The following FNIP1 variants were observed in gnomAD, a reference collection of about 807,000 sequenced individuals.
FNIP1 encodes folliculin interacting protein 1.
A neutral mutation model predicts 124.5 loss-of-function variants in FNIP1; 40 were observed. That is an observed-to-expected ratio of 0.32 (90% CI 0.25 to 0.42). The LOEUF (loss-of-function observed/expected upper bound fraction) is 0.42, where lower values mean the gene tolerates loss of function less well. Ranked by LOEUF, FNIP1 falls within the 10% of genes least tolerant of loss-of-function variation. The pLI, the probability that FNIP1 is intolerant of heterozygous loss-of-function variation, is 1.00. For missense variants in FNIP1, 1,176 were observed against 1,403.7 expected (o/e 0.84, Z 2.59); for synonymous variants, 472 against 470.6 (o/e 1.00, Z -0.04).
intron 1 of FNIP1, among the ~76,000 whole-genome samples, chr5:131,749,456 G>A (rs1013728024): frequency 6.7e-6 from 1 of 150,164 alleles, no homozygotes; most frequent in Admixed American, 6.7e-5. Context: ...GCAGTGGTGC[G>A]ATTTTGGCTC....
intron 2 of FNIP1, among the ~76,000 whole-genome samples, chr5:131,734,166 G>C (rs1243546062): frequency 6.6e-6 from 1 of 151,982 alleles, no homozygotes; most frequent in Non-Finnish European, 1.5e-5. Flanking sequence ...CTGCGGGATC[G>C]GTGGTGATAT....
chr5:131,780,340 A>C (rs1561704551), intron 1 of FNIP1, among the ~76,000 whole-genome samples: 1 of 152,196 alleles, frequency 6.6e-6, no homozygotes, highest in African/African-American at 2.4e-5. Flanking sequence ...AACCCAGAGA[A>C]GCAAAGTCCC....
intron 15 of FNIP1, among the ~76,000 whole-genome samples, chr5:131,666,852 A>C (rs1767617960): frequency 6.6e-6 from 1 of 152,238 alleles, no homozygotes; most frequent in Non-Finnish European, 1.5e-5. Context: ...TTCACAGAGA[A>C]AGTCACAAGA....
chr5:131,702,723 T>C (rs1768943130), intron 10 of FNIP1, among the ~76,000 whole-genome samples: 1 of 152,242 alleles, frequency 6.6e-6, no homozygotes, highest in Admixed American at 6.5e-5. Context: ...CACAATTTAC[T>C]ATACATATTT....
chr5:131,658,769 C>T lies in FNIP1; in HGVS notation c.3109-6770G>A, dbSNP rs528264897. Among the ~76,000 whole-genome samples, 6 of 151,796 alleles carry T rather than the reference C, an allele frequency of 4.0e-5. No homozygotes were observed. The East Asian group carries it at 9.7e-4, about 25-fold the overall frequency. ...GGACTTCCTGTAGCAATGCATTTCA[C>T]GATATTTGGAATGACTATTAGAAAA... On this transcript the variant is annotated intron_variant, in intron 15 of 17. Coordinates refer to ENST00000510461, the MANE Select transcript of FNIP1 (RefSeq NM_133372.3).
intron 15 of FNIP1, among the ~76,000 whole-genome samples, chr5:131,658,907 C>CAAAAAAAAAAAAAAAA (rs70974003): frequency 1.7e-4 from 7 of 41,164 alleles, no homozygotes; most frequent in Non-Finnish European, 2.1e-4. Flanking sequence ...TGGGTCTAGC[C>CAAAAAAAAAAAAAAAA]AAAAAAAAAA....
intron 15 of FNIP1, among the ~76,000 whole-genome samples, chr5:131,657,950 C>T (rs568022417): frequency 1.5e-3 from 229 of 149,092 alleles, no homozygotes; most frequent in Non-Finnish European, 2.5e-3. Context: ...CTGAGGCAGG[C>T]GAATGGCATG....
chr5:131,686,885 G>C (rs2149522525), intron 11 of FNIP1, among the ~76,000 whole-genome samples: 1 of 151,726 alleles, frequency 6.6e-6, no homozygotes, highest in African/African-American at 2.4e-5. Flanking sequence ...GTTTAAGCTA[G>C]TTATTACCAA....
At chr5:131,654,444 C>T (rs1272704002) in intron 15 of FNIP1, among the ~76,000 whole-genome samples, 1 of 152,160 alleles carries the variant, frequency 6.6e-6, no homozygotes, top group Non-Finnish European at 1.5e-5. Context: ...CCTGGATAAG[C>T]CCAGGTTTGG....
chr5:131,761,749 A>C (rs888097861), intron 1 of FNIP1, among the ~76,000 whole-genome samples: 1 of 152,060 alleles, frequency 6.6e-6, no homozygotes, highest in Non-Finnish European at 1.5e-5. Flanking sequence ...TGACAGGAAT[A>C]GAAAAAAAAA....
At chr5:131,724,220 T>C (rs1769777347) in intron 3 of FNIP1, among the ~76,000 whole-genome samples, 4 of 152,236 alleles carry the variant, frequency 2.6e-5, no homozygotes, top group Admixed American at 2.6e-4. Flanking sequence ...TTTGGGTACA[T>C]ACCCAGTAAT....
intron 1 of FNIP1, among the ~76,000 whole-genome samples, chr5:131,785,857 T>G (rs973765362): frequency 6.6e-6 from 1 of 152,166 alleles, no homozygotes; most frequent in Admixed American, 6.5e-5. Flanking sequence ...TATTTATTTT[T>G]TAATATTTAA....
chr5:131,690,025 C>T (rs1393812058), intron 11 of FNIP1, among the ~76,000 whole-genome samples: 1 of 151,962 alleles, frequency 6.6e-6, no homozygotes, highest in African/African-American at 2.4e-5. Flanking sequence ...TCGAGGCCAT[C>T]CTGGCTAACA....
intron 1 of FNIP1, among the ~76,000 whole-genome samples, chr5:131,759,382 A>T (rs866925774): frequency 1.6e-4 from 24 of 152,330 alleles, no homozygotes; most frequent in African/African-American, 5.1e-4. Context: ...CAGAATCTGT[A>T]AGAAACTTAC....
Position 131,671,720 on chromosome 5 carries a change from T to C in FNIP1, c.2724A>G (p.Thr908=). The change falls in exon 14 of 18, where the codon ACA becomes ACG. Residue 908 remains threonine, a synonymous_variant. Transcript: ENST00000510461. ...TCFPQQDQRD[T]LSILVPHGDK... ...CCCCATGGGGGACAAGAATGGAGAG[T>C]GTATCTCTTTGGTCCTGCTGAGGAA... The C allele has an allele frequency of 6.2e-7, 1 of 1,614,080 alleles. No individual in the cohort carries two copies. The highest frequency in any genetic ancestry group is 8.5e-7 in the Non-Finnish European group (1 of 1,180,008).
Position 131,644,077 on chromosome 5 carries a change from G to A in FNIP1, c.*608C>T, listed in dbSNP as rs1766797704. ...TTTTAAAGGCATGTTTACCAGTCTT[G>A]TATTTCTATTTCTGCTTTTTAAAAA... On this transcript the variant is annotated 3_prime_UTR_variant, in exon 18 of 18. Transcript: ENST00000510461. 6.6e-6 allele frequency: 1 copy of A among 152,030 alleles called. No individual in the cohort carries two copies. The highest frequency in any genetic ancestry group is 2.1e-4 in the South Asian group (1 of 4,822). 9.4% of individuals were successfully genotyped at this position (152,030 alleles called of 1,614,324 possible).
intron 1 of FNIP1, among the ~76,000 whole-genome samples, chr5:131,791,640 G>A (rs1772408313): frequency 1.3e-5 from 2 of 152,118 alleles, no homozygotes; most frequent in South Asian, 4.1e-4. Context: ...CAGAATGTGG[G>A]GAATTTCACA....
chr5:131,786,721 A>G (rs1351289902), intron 1 of FNIP1, among the ~76,000 whole-genome samples: 2 of 152,192 alleles, frequency 1.3e-5, no homozygotes, highest in East Asian at 1.9e-4. Context: ...TGGGTTTGTT[A>G]TAAAAGTGAG....
At chr5:131,769,444 A>G (rs1771552884) in intron 1 of FNIP1, among the ~76,000 whole-genome samples, 1 of 152,198 alleles carries the variant, frequency 6.6e-6, no homozygotes, top group South Asian at 2.1e-4. Flanking sequence ...TAAGCTCTAC[A>G]TTAGTGGCAT....
Sources: gnomAD v4.1 joint callset for allele counts (sites outside exome capture counted in the v4.1 genomes callset) on GRCh38, gnomAD v4.1.1 for gene constraint, MANE v1.5 for transcripts, NCBI Gene and HGNC (gene_info 2026-07-23, HGNC 2026-07-21) for gene names.